The following DPF3 variants were observed in gnomAD, a reference collection of about 807,000 sequenced individuals.
DPF3 encodes double PHD fingers 3, also known as zinc finger protein DPF3.
In DPF3, 18 loss-of-function variants were observed where a neutral mutation model predicts 56.8. The ratio of observed to expected loss-of-function variants is 0.32; its 90% CI spans 0.22 to 0.47. DPF3 has a LOEUF of 0.47. Ranked by LOEUF, DPF3 falls within the 20% of genes least tolerant of loss-of-function variation. The pLI is 1.00. For synonymous variants in DPF3, 188 were observed against 180.2 expected (o/e 1.04, Z -0.35); for missense variants, 403 against 488.8 (o/e 0.82, Z 1.65).
intron 8 of DPF3, among the ~76,000 whole-genome samples, chr14:72,631,168 G>A (rs1885149041): frequency 6.6e-6 from 1 of 152,168 alleles, no homozygotes; most frequent in South Asian, 2.1e-4. Context: ...TTGGTGGTGG[G>A]GAGGGGACAC....
intron 7 of DPF3, among the ~76,000 whole-genome samples, chr14:72,678,940 G>C (rs1887034661): frequency 6.6e-6 from 1 of 152,164 alleles, no homozygotes; most frequent in Admixed American, 6.5e-5. Context: ...GAAGAAAGTA[G>C]AAGAAAAATA....
chr14:72,830,227 C>T (rs1883995668), intron 1 of DPF3, among the ~76,000 whole-genome samples: 2 of 152,178 alleles, frequency 1.3e-5, no homozygotes, highest in Non-Finnish European at 2.9e-5. Flanking sequence ...CAACCTCAGA[C>T]CAATTAACAC....
rs35648169 is a variant in DPF3 at position 72,798,254 on chromosome 14, C to CAAAA, written c.33-26365_33-26362dup. ...GGGAAGACAGAGCTAGCCTTCATCT[C>CAAAA]AAAAAAAAAAAAAAAAAAAAAAAAA... On this transcript the variant is annotated intron_variant, in intron 1 of 10. Coordinates refer to ENST00000556509, the MANE Select transcript of DPF3 (RefSeq NM_001280542.3). 1.4e-3 allele frequency among the ~76,000 whole-genome samples: 73 copies of CAAAA among 53,938 alleles called. 6 individuals are homozygous for CAAAA. Among genetic ancestry groups the CAAAA allele is most frequent in the African/African-American group, 3.4e-3 (59 of 17,510 alleles). 35.4% of individuals were successfully genotyped at this position (53,938 alleles called of 152,430 possible).
chr14:72,689,109 C>A (rs937055637), intron 7 of DPF3, among the ~76,000 whole-genome samples: 1 of 150,264 alleles, frequency 6.7e-6, no homozygotes, highest in Non-Finnish European at 1.5e-5. Flanking sequence ...TGGGCGGGGG[C>A]GGGGAAGGTC....
chr14:72,731,669 G>A (rs1889651954), intron 4 of DPF3, 138 bp downstream of exon 4: 12 of 1,217,906 alleles, frequency 9.9e-6, no homozygotes, highest in Non-Finnish European at 1.4e-5. Flanking sequence ...GAGCTTCCTG[G>A]CCACCATAGA....
In DPF3 at chr14:72,868,219, G is replaced by GCCTT. The variant is rs564055778; in HGVS notation, c.32+25837_32+25838insAAGG. ...GGAGAAAGAGGTATGAAGGAAGAAG[G>GCCTT]GCAAAGGGTACCTGGGAGTCAGACA... On this transcript the variant is annotated intron_variant, in intron 1 of 10. Coordinates refer to ENST00000556509, the MANE Select transcript of DPF3 (RefSeq NM_001280542.3). Among the ~76,000 whole-genome samples, 612 of 152,146 alleles carry GCCTT rather than the reference G, an allele frequency of 4.0e-3. 5 individuals carry two copies. Among genetic ancestry groups the GCCTT allele is most frequent in the African/African-American group, 0.014 (582 of 41,506 alleles).
chr14:72,880,022 G>C (rs1886267891), intron 1 of DPF3: 3 of 1,381,922 alleles, frequency 2.2e-6, no homozygotes, highest in Admixed American at 3.0e-5. Flanking sequence ...CTGTGGTATA[G>C]AATCCAGTTT....
intron 1 of DPF3, among the ~76,000 whole-genome samples, chr14:72,795,702 A>G (rs1892620838): frequency 6.6e-6 from 1 of 152,182 alleles, no homozygotes; most frequent in Non-Finnish European, 1.5e-5. Context: ...GCCAATGCAG[A>G]CTGACCCTTT....
At position 72,611,677 on chromosome 14, in the gene DPF3, G is replaced by A. The variant is rs1232982280; in HGVS notation, c.*7620C>T. 1.3e-5 allele frequency among the ~76,000 whole-genome samples: 2 copies of A among 152,168 alleles called. No individual in the cohort carries two copies. The highest frequency in any genetic ancestry group is 1.9e-4 in the East Asian group (1 of 5,202). ...TGGCTGCCCAACACACTCCAGGCCA[G>A]GTGACTTCATCAGTTCACCAGTTTT... On this transcript the variant is annotated 3_prime_UTR_variant, in exon 11 of 11. Transcript: ENST00000556509.
At chr14:72,754,678 G>A (rs17180949) in intron 2 of DPF3, among the ~76,000 whole-genome samples, 29,746 of 152,028 alleles carry the variant, frequency 0.2, 3,710 homozygotes, top group Non-Finnish European at 0.28. Flanking sequence ...AAGTTAAGAA[G>A]GGAAACTGGC....
intron 2 of DPF3, among the ~76,000 whole-genome samples, chr14:72,755,990 G>A (rs1008115574): frequency 2.0e-5 from 3 of 152,206 alleles, no homozygotes; most frequent in Non-Finnish European, 2.9e-5. Flanking sequence ...GCATGTGTGT[G>A]TGTGCATATG....
In DPF3 at chr14:72,674,315, A is replaced by G. The variant is rs769684490; in HGVS notation, c.796T>C (p.Leu266=). 16 of 1,612,616 alleles carry G rather than the reference A, an allele frequency of 9.9e-6. No homozygotes were observed. The highest frequency in any genetic ancestry group is 1.3e-5 in the African/African-American group (1 of 74,762). ...TTCTTGTTCATGTTGGAGCCCCCCA[A>G]GCAGAAGTCACAGTAGTTATTGGGA... ...VIPNNYCDFC[L]GGSNMNKKSG... Residue 266 remains leucine, a synonymous_variant, in exon 8 of 11, where the codon TTG becomes CTG. Transcript: ENST00000556509.
chr14:72,822,925 G>T (rs1883618615), intron 1 of DPF3, among the ~76,000 whole-genome samples: 1 of 152,160 alleles, frequency 6.6e-6, no homozygotes, highest in Non-Finnish European at 1.5e-5. Flanking sequence ...AACTTTTTGA[G>T]CATCAACATG....
rs145879335 is a variant in DPF3, at chr14:72,617,597, C to G, written c.*1700G>C. Among the ~76,000 whole-genome samples, 2 of 152,198 alleles carry G rather than the reference C, an allele frequency of 1.3e-5. No individual in the cohort carries two copies. Among genetic ancestry groups the G allele is most frequent in the South Asian group, 4.1e-4 (2 of 4,822 alleles). ...GCCACAGGCCCCTGCAGGAGAGTGA[C>G]CCCCATCGCTTGCCACAGGTCACTC... On this transcript the variant is annotated 3_prime_UTR_variant, in exon 11 of 11. Coordinates refer to ENST00000556509, the MANE Select transcript of DPF3 (RefSeq NM_001280542.3).
chr14:72,687,256 C>G (rs1447400727), intron 7 of DPF3, among the ~76,000 whole-genome samples: 1 of 152,146 alleles, frequency 6.6e-6, no homozygotes, highest in Non-Finnish European at 1.5e-5. Context: ...CTAGAAGAAC[C>G]CATCTTCAAT....
chr14:72,852,301 G>A (rs1043486181), intron 1 of DPF3, among the ~76,000 whole-genome samples: 2 of 152,322 alleles, frequency 1.3e-5, no homozygotes, highest in Middle Eastern at 3.4e-3. Context: ...GTACCCAGCC[G>A]GGCACCAGAG....
At chr14:72,892,316 T>TA (rs1886784342) in intron 1 of DPF3, 4 of 1,535,342 alleles carry the variant, frequency 2.6e-6, no homozygotes, top group African/African-American at 1.4e-5. Flanking sequence ...GCGGCGAAGT[T>TA]ACGCCCATTT....
At chr14:72,690,617 A>G (rs533273456) in intron 7 of DPF3, among the ~76,000 whole-genome samples, 18 of 151,348 alleles carry the variant, frequency 1.2e-4, no homozygotes, top group East Asian at 7.8e-4. Context: ...ACATGCACGC[A>G]CACACACACA....
At chr14:72,761,237 T>C (rs929500745) in intron 2 of DPF3, among the ~76,000 whole-genome samples, 2 of 152,134 alleles carry the variant, frequency 1.3e-5, no homozygotes, top group African/African-American at 2.4e-5. Context: ...AATTGATATT[T>C]ATAGAACATT....
Sources: allele counts gnomAD v4.1 joint callset (sites outside exome capture counted in the v4.1 genomes callset), GRCh38; gene constraint gnomAD v4.1.1; transcripts MANE v1.5; gene names NCBI Gene and HGNC (gene_info 2026-07-23, HGNC 2026-07-21).